Variants in BCAP29 observed in about 807,000 individuals in gnomAD.
BCAP29 encodes the protein B cell receptor associated protein 29.
Under a neutral mutation model 31.8 loss-of-function variants are expected in BCAP29, and 34 were observed. The observed-to-expected ratio is 1.07, with a 90% CI of 0.81 to 1.42. BCAP29 has a LOEUF of 1.42. Among genes scored for constraint, BCAP29 ranks in the 40% most tolerant of loss-of-function variants. The pLI is 0.00. For missense variants in BCAP29, 314 were observed against 269.2 expected (o/e 1.17, Z -1.16); for synonymous variants, 104 against 91.3 (o/e 1.14, Z -0.79).
In BCAP29 at chr7:107,586,563, A is replaced by C. The variant is rs538932481; in HGVS notation, c.193+2581A>C. Among the ~76,000 whole-genome samples, 4 of 152,278 alleles carry C rather than the reference A, an allele frequency of 2.6e-5. No individual in the cohort carries two copies. In the South Asian group the frequency reaches 8.3e-4, roughly 32 times the overall value. On this transcript the variant is annotated intron_variant, in intron 3 of 7. Transcript: ENST00000005259. The stretch of plus-strand genomic sequence containing the variant: ...AGATTTAAACGCAGTAACATATGTA[A>C]AGTGCAGAGTCTGATGTTCGAGTCC...
At chr7:107,607,945 C>T (rs915048317) in intron 6 of BCAP29, among the ~76,000 whole-genome samples, 11 of 152,054 alleles carry the variant, frequency 7.2e-5, no homozygotes, top group African/African-American at 2.7e-4. Context: ...GCCTGGATTC[C>T]ATGTTTTCTA....
At chr7:107,605,754 C>T (rs1225102040) in intron 6 of BCAP29, among the ~76,000 whole-genome samples, 1 of 152,152 alleles carries the variant, frequency 6.6e-6, no homozygotes, top group Non-Finnish European at 1.5e-5. Flanking sequence ...TTATTCCATA[C>T]CTAGATATGC....
chr7:107,607,441 C>T (rs1252479835), intron 6 of BCAP29, among the ~76,000 whole-genome samples: 2 of 152,014 alleles, frequency 1.3e-5, no homozygotes, highest in Non-Finnish European at 2.9e-5. Context: ...GGACTTAGAC[C>T]TCTTTATCTC....
chr7:107,600,397 A>G lies in BCAP29; in HGVS notation c.481A>G (p.Ile161Val). ...FMEENEKLKR[I>V]LKSHGKDEEC... ...CTTCCTGTATCTCCTTTTGCAATAG[A>G]TTTTGAAAAGCCATGGTAAAGATGA... is the stretch of plus-strand genomic sequence containing the variant. The change falls in exon 6 of 8, where the codon ATT becomes GTT. Residue 161 changes from isoleucine to valine, a missense_variant and splice_region_variant. By Grantham distance (29) the Ile-to-Val change is conservative. Coordinates refer to ENST00000005259, the MANE Select transcript of BCAP29 (RefSeq NM_018844.4). The G allele has an allele frequency of 6.3e-7, 1 of 1,578,792 alleles. No individual in the cohort carries two copies. The highest frequency in any genetic ancestry group is 1.1e-5 in the South Asian group (1 of 89,592).
rs369939306 is a variant in BCAP29 at position 107,592,239 on chromosome 7, CAAAT to C, written c.194-1712_194-1709del. On this transcript the variant is annotated intron_variant, in intron 3 of 7. Coordinates refer to ENST00000005259, the MANE Select transcript of BCAP29 (RefSeq NM_018844.4). ...AATTCTATGAAAGACATTTGGGAGACAAATAAAGCAAATAACCCAATTTAAAAAT... is the reference window on the plus strand; with the variant it reads ...AATTCTATGAAAGACATTTGGGAGACAAAGCAAATAACCCAATTTAAAAAT... 5.7e-4 allele frequency among the ~76,000 whole-genome samples: 86 copies of C among 151,926 alleles called. No individual in the cohort carries two copies. In the East Asian group the frequency reaches 8.3e-3, roughly 15 times the overall value.
At chr7:107,589,146 T>C (rs920448332) in intron 3 of BCAP29, among the ~76,000 whole-genome samples, 1 of 152,224 alleles carries the variant, frequency 6.6e-6, no homozygotes, top group African/African-American at 2.4e-5. Flanking sequence ...TAAACAGCTG[T>C]AAACTGTACA....
intron 4 of BCAP29, among the ~76,000 whole-genome samples, chr7:107,594,969 A>C (rs1013545251): frequency 6.6e-6 from 1 of 152,164 alleles, no homozygotes. Flanking sequence ...TGTACAATAC[A>C]TTCCACCCTT....
At chr7:107,621,807 A>T (rs369614689), downstream of BCAP29, 6 of 496,880 alleles carry the variant, frequency 1.2e-5, no homozygotes, top group African/African-American at 9.8e-5. Context: ...ACAGATACCG[A>T]TAAAACTGAT....
At chr7:107,613,152 C>T (rs1054923962) in intron 6 of BCAP29, among the ~76,000 whole-genome samples, 180 bp from the exon 7 acceptor site, 7 of 152,106 alleles carry the variant, frequency 4.6e-5, no homozygotes, top group Admixed American at 4.6e-4. Flanking sequence ...ACCTTATTCT[C>T]AAATGAGTCA....
At chr7:107,611,625 T>C (rs973745424) in intron 6 of BCAP29, among the ~76,000 whole-genome samples, 4 of 152,172 alleles carry the variant, frequency 2.6e-5, no homozygotes, top group African/African-American at 7.2e-5. Context: ...AGAACCCAAA[T>C]TGAAAACTAA....
At chr7:107,621,806 GAT>G (rs569304317), downstream of BCAP29, 147 of 495,464 alleles carry the variant, frequency 3.0e-4, 2 homozygotes, top group African/African-American at 1.2e-3. Context: ...TACAGATACC[GAT>G]AAAACTGATA....
chr7:107,596,660 A>C (rs1585114425), intron 5 of BCAP29, among the ~76,000 whole-genome samples: 1 of 152,200 alleles, frequency 6.6e-6, no homozygotes, highest in Admixed American at 6.5e-5. Flanking sequence ...ATCATTTTGG[A>C]GTAATGATTT....
Position 107,583,878 on chromosome 7 carries a change from A to G in BCAP29, c.93-4A>G, listed in dbSNP as rs1807146940. On this transcript the variant is annotated splice_polypyrimidine_tract_variant and splice_region_variant and intron_variant, in intron 2 of 7. Coordinates refer to ENST00000005259, the MANE Select transcript of BCAP29 (RefSeq NM_018844.4). ...ATACCTAATATAATTGTATTGCTTT[A>G]CAGATGGCAGAAGATTTTTTCATTT... 2.0e-6 allele frequency: 3 copies of G among 1,519,666 alleles called. No individual in the cohort carries two copies. The highest frequency in any genetic ancestry group is 2.7e-6 in the Non-Finnish European group (3 of 1,115,588). The allele number at this position is 1,519,666 out of a possible 1,614,324, so 94.1% of individuals were successfully genotyped here.
At chr7:107,589,435 A>G (rs1808323257) in intron 3 of BCAP29, among the ~76,000 whole-genome samples, 1 of 152,230 alleles carries the variant, frequency 6.6e-6, no homozygotes, top group Admixed American at 6.5e-5. Context: ...GATTCTCATA[A>G]GAAGCATGCA....
At chr7:107,615,423 T>C (rs1585245428) in intron 7 of BCAP29, 4 of 414,424 alleles carry the variant, frequency 9.7e-6, no homozygotes, top group Admixed American at 8.2e-5. Flanking sequence ...GGTGAAACCC[T>C]GTCTCTACTA....
At chr7:107,608,358 T>G (rs1461260741) in intron 6 of BCAP29, among the ~76,000 whole-genome samples, 1 of 152,222 alleles carries the variant, frequency 6.6e-6, no homozygotes, top group Non-Finnish European at 1.5e-5. Flanking sequence ...GGGTTATAAT[T>G]TAATACTACT....
chr7:107,600,607 T>C (rs1025628753), intron 6 of BCAP29, 102 bp downstream of exon 6: 6 of 621,590 alleles, frequency 9.7e-6, no homozygotes, highest in Non-Finnish European at 1.7e-5. Context: ...TAAATGTTCT[T>C]CTAAGATACC....
In BCAP29 at chr7:107,593,945, T is replaced by C; in HGVS notation, c.194-10T>C. 3 of 1,584,934 alleles carry C rather than the reference T, an allele frequency of 1.9e-6. No individual in the cohort carries two copies. The highest frequency in any genetic ancestry group is 1.2e-5 in the South Asian group (1 of 85,362). ...AGCCAAAAGTACTGTTTTCTTTTGT[T>C]CTGTAATAGATGCTGTGAGAGAAGT... On this transcript the variant is annotated splice_polypyrimidine_tract_variant and intron_variant, in intron 3 of 7. Transcript: ENST00000005259.
chr7:107,600,231 G>C, intron 5 of BCAP29, 166 bp from the exon 6 acceptor site: 1 of 652,374 alleles, frequency 1.5e-6, no homozygotes, highest in Non-Finnish European at 2.8e-6. Context: ...CAAATATTAA[G>C]TTTCTGTTAG....
Sources: gnomAD v4.1 joint callset for allele counts (sites outside exome capture counted in the v4.1 genomes callset) on GRCh38, gnomAD v4.1.1 for gene constraint, MANE v1.5 for transcripts, NCBI Gene and HGNC (gene_info 2026-07-23, HGNC 2026-07-21) for gene names.